The following PRCP variants were observed in gnomAD, a reference collection of about 807,000 sequenced individuals.
PRCP encodes prolylcarboxypeptidase, also known as lysosomal Pro-X carboxypeptidase.
Under a neutral mutation model 54.2 loss-of-function variants are expected in PRCP, and 46 were observed. That is an observed-to-expected ratio of 0.85 (90% CI 0.67 to 1.09). The LOEUF is 1.09. Among genes scored for constraint, PRCP ranks in the 50% least tolerant of loss-of-function variants. PRCP has a pLI of 0.00. For synonymous variants in PRCP, 240 were observed against 212.2 expected (o/e 1.13, Z -1.14); for missense variants, 613 against 596.8 (o/e 1.03, Z -0.28).
intron 1 of PRCP, among the ~76,000 whole-genome samples, chr11:82,863,441 C>G (rs549725602): frequency 2.0e-5 from 3 of 152,280 alleles, no homozygotes; most frequent in African/African-American, 7.2e-5. Flanking sequence ...CAGCAGGTTT[C>G]AACAAGGGAG....
At chr11:82,888,380 T>C (rs2121261916) in intron 1 of PRCP, among the ~76,000 whole-genome samples, 1 of 152,330 alleles carries the variant, frequency 6.6e-6, no homozygotes, top group East Asian at 1.9e-4. Context: ...CTAACATGTA[T>C]GCCATAGAAA....
intron 1 of PRCP, among the ~76,000 whole-genome samples, chr11:82,862,358 C>T (rs1216363294): frequency 6.6e-6 from 1 of 152,136 alleles, no homozygotes; most frequent in East Asian, 1.9e-4. Context: ...TACAGATTTA[C>T]CCTGCAGCAC....
At chr11:82,866,323 T>A (rs1859334390) in intron 1 of PRCP, among the ~76,000 whole-genome samples, 1 of 152,210 alleles carries the variant, frequency 6.6e-6, no homozygotes. Flanking sequence ...GCTCTCGTCA[T>A]TGCCAACCTT....
chr11:82,865,594 G>C (rs1246392548), intron 1 of PRCP, among the ~76,000 whole-genome samples: 1 of 152,104 alleles, frequency 6.6e-6, no homozygotes, highest in Non-Finnish European at 1.5e-5. Flanking sequence ...TTTTACTAAA[G>C]ATACAAAAAG....
chr11:82,843,712 C>T (rs777412521), intron 6 of PRCP, among the ~76,000 whole-genome samples: 9 of 152,278 alleles, frequency 5.9e-5, no homozygotes, highest in Non-Finnish European at 8.8e-5. Context: ...ACTGTAAATG[C>T]GCTGAAATGT....
At chr11:82,886,460 T>C (rs1179881681) in intron 1 of PRCP, among the ~76,000 whole-genome samples, 1 of 152,042 alleles carries the variant, frequency 6.6e-6, no homozygotes, top group Non-Finnish European at 1.5e-5. Context: ...AATTTTTGTA[T>C]TTTTTTAAAG....
At chr11:82,900,664 A>G, upstream of PRCP, 1 of 635,174 alleles carries the variant, frequency 1.6e-6, no homozygotes, top group Non-Finnish European at 2.9e-6. Context: ...CATTGCGGTC[A>G]CACCCCAAGT....
chr11:82,896,224 T>G (rs1188575165), intron 1 of PRCP, among the ~76,000 whole-genome samples: 1 of 152,242 alleles, frequency 6.6e-6, no homozygotes, highest in Non-Finnish European at 1.5e-5. Flanking sequence ...GATGTGATGA[T>G]TAATTTTATA....
intron 6 of PRCP, among the ~76,000 whole-genome samples, chr11:82,846,826 G>A (rs531503858): frequency 1.3e-5 from 2 of 152,264 alleles, no homozygotes; most frequent in South Asian, 2.1e-4. Context: ...TAAAGAGGTA[G>A]GGAGAAAACC....
chr11:82,901,036 G>A (rs1485048663), upstream of PRCP: 1 of 381,464 alleles, frequency 2.6e-6, no homozygotes, highest in Non-Finnish European at 5.2e-6. Context: ...AGAGAGGTGC[G>A]GGAACTTGCA....
At chr11:82,879,710 G>A (rs1859700449) in intron 1 of PRCP, among the ~76,000 whole-genome samples, 2 of 152,186 alleles carry the variant, frequency 1.3e-5, no homozygotes, top group African/African-American at 4.8e-5. Context: ...TACAGATGGG[G>A]TTTTGGTGTG....
At chr11:82,843,235 G>C (rs1858718936) in intron 6 of PRCP, 1 of 152,064 alleles carries the variant, frequency 6.6e-6, no homozygotes, top group African/African-American at 2.4e-5. Flanking sequence ...CTTCAGTCAG[G>C]AGTTCCAGGC....
intron 1 of PRCP, among the ~76,000 whole-genome samples, chr11:82,866,471 C>G (rs1859337844): frequency 6.6e-6 from 1 of 152,190 alleles, no homozygotes; most frequent in African/African-American, 2.4e-5. Context: ...GGAGACAGAA[C>G]TGCATTCCCT....
upstream of PRCP, chr11:82,901,611 G>A (rs1468400743): frequency 1.3e-5 from 2 of 152,448 alleles, no homozygotes; most frequent in Non-Finnish European, 2.9e-5. Context: ...TGACGAAAAT[G>A]GTCGTTTCCA....
chr11:82,850,638 A>T, intron 3 of PRCP, 133 bp from the exon 4 acceptor site: 1 of 579,568 alleles, frequency 1.7e-6, no homozygotes, highest in Non-Finnish European at 2.6e-6. Flanking sequence ...TTGAGCTAAA[A>T]TGCCTAGTCA....
At chr11:82,874,171 T>C (rs948926432) in intron 1 of PRCP, among the ~76,000 whole-genome samples, 8 of 152,206 alleles carry the variant, frequency 5.3e-5, no homozygotes, top group African/African-American at 1.7e-4. Flanking sequence ...CTTTGATTAC[T>C]TTCAGGTGGT....
In PRCP at chr11:82,849,153, G is replaced by C. The variant is rs943361450; in HGVS notation, c.817C>G (p.Gln273Glu). 3 of 1,613,968 alleles carry C rather than the reference G, an allele frequency of 1.9e-6. No homozygotes were observed. In the African/African-American group the frequency reaches 4.0e-5, roughly 22 times the overall value. The change falls in exon 6 of 9, where the codon CAA becomes GAA. Residue 273 changes from glutamine (Q) to glutamate (E), a missense_variant. Transcript: ENST00000313010. Reference protein sequence around the residue: ...LCSPLTSQDIQHLKDWISETW... With the variant: ...LCSPLTSQDIEHLKDWISETW... ...TCAGAGATCCAGTCTTTCAAATGTT[G>C]GATGTCCTGAGAAGTTAATGGGCTG...
At position 82,876,541 on chromosome 11, in the gene PRCP, G is replaced by T. The variant is rs561813261; in HGVS notation, c.169-16424C>A. Among the ~76,000 whole-genome samples, 3 of 152,268 alleles carry T rather than the reference G, an allele frequency of 2.0e-5. No homozygotes were observed. The South Asian group carries it at 6.2e-4, about 32-fold the overall frequency. The stretch of plus-strand genomic sequence containing the variant: ...CCCACGTGTTGTGGGAGAGACCGGG[G>T]GGAGGTTACTGAATCATGGGGGCCA... On this transcript the variant is annotated intron_variant, in intron 1 of 8. Coordinates refer to ENST00000313010, the MANE Select transcript of PRCP (RefSeq NM_005040.4).
chr11:82,838,235 C>T, intron 8 of PRCP, 152 bp downstream of exon 8: 1 of 656,044 alleles, frequency 1.5e-6, no homozygotes. Context: ...CTCTTCTCAG[C>T]ATCCTATCTT....
Sources: gnomAD v4.1 joint callset for allele counts (sites outside exome capture counted in the v4.1 genomes callset) on GRCh38, gnomAD v4.1.1 for gene constraint, MANE v1.5 for transcripts, NCBI Gene and HGNC (gene_info 2026-07-23, HGNC 2026-07-21) for gene names.